PAX5: variants seen among roughly 807,000 people sequenced by gnomAD.
PAX5 encodes paired box protein Pax-5.
In PAX5, 9 loss-of-function variants were observed where a neutral mutation model predicts 43.7. The observed-to-expected ratio is 0.21, with a 90% confidence interval of 0.12 to 0.36. PAX5 has a LOEUF of 0.36. Ranked by LOEUF, PAX5 falls within the 10% of genes least tolerant of loss-of-function variation. The pLI, the probability that PAX5 is intolerant of heterozygous loss-of-function variation, is 1.00. For synonymous variants in PAX5, 228 were observed against 214.3 expected (o/e 1.06, Z -0.56); for missense variants, 383 against 532.7 (o/e 0.72, Z 2.77).
intron 6 of PAX5, among the ~76,000 whole-genome samples, chr9:36,931,224 G>C (rs1329344998): frequency 6.6e-6 from 1 of 152,240 alleles, no homozygotes; most frequent in Non-Finnish European, 1.5e-5. Context: ...AGCTGGAGTG[G>C]GTGAGAGGTG....
intron 5 of PAX5, among the ~76,000 whole-genome samples, chr9:36,991,483 C>T (rs1213011925): frequency 4.6e-5 from 7 of 152,182 alleles, no homozygotes; most frequent in Admixed American, 4.6e-4. Context: ...AAGGACTCTA[C>T]TCCCAGAAAG....
chr9:37,021,242 A>T (rs1839824678), intron 1 of PAX5, among the ~76,000 whole-genome samples: 1 of 152,244 alleles, frequency 6.6e-6, no homozygotes, highest in African/African-American at 2.4e-5. Context: ...TTTAAAAGTG[A>T]AAAGAACAAC....
Position 36,900,829 on chromosome 9 carries a change from C to T in PAX5, c.911-18724G>A, listed in dbSNP as rs573963903. Among the ~76,000 whole-genome samples, 455 of 152,244 alleles carry T rather than the reference C, an allele frequency of 3.0e-3. 3 individuals carry two copies. The highest frequency in any genetic ancestry group is 4.9e-3 in the Non-Finnish European group (330 of 68,008). ...GCCTCTGCACATTCCACCTGAGTGT[C>T]CCTGGGGTACCCCAAAGTTAAATAT... On this transcript the variant is annotated intron_variant, in intron 7 of 9. Coordinates refer to ENST00000358127, the MANE Select transcript of PAX5 (RefSeq NM_016734.3).
intron 7 of PAX5, among the ~76,000 whole-genome samples, chr9:36,885,628 CCAG>C (rs1212286576): frequency 1.3e-5 from 2 of 152,154 alleles, no homozygotes; most frequent in African/African-American, 4.8e-5. Context: ...TCAAACCCAG[CCAG>C]TCTGGCTTGC....
intron 6 of PAX5, among the ~76,000 whole-genome samples, chr9:36,966,113 G>C (rs1834406640): frequency 6.6e-6 from 1 of 152,244 alleles, no homozygotes; most frequent in South Asian, 2.1e-4. Context: ...CAGACAGTGG[G>C]ATACCCACCC....
intron 7 of PAX5, among the ~76,000 whole-genome samples, chr9:36,909,949 G>A (rs970168255): frequency 1.7e-4 from 25 of 148,580 alleles, no homozygotes; most frequent in African/African-American, 5.2e-4. Context: ...AGCCTCCCAA[G>A]CAGCTGGGAC....
At chr9:36,898,907 C>A (rs533209328) in intron 7 of PAX5, among the ~76,000 whole-genome samples, 35 of 152,212 alleles carry the variant, frequency 2.3e-4, no homozygotes, top group African/African-American at 7.5e-4. Flanking sequence ...TCCAGCCGCA[C>A]TGCAGACACC....
chr9:36,976,489 C>T (rs1318746988), intron 5 of PAX5, among the ~76,000 whole-genome samples: 3 of 152,140 alleles, frequency 2.0e-5, no homozygotes, highest in South Asian at 4.1e-4. Flanking sequence ...TCTAGGACAT[C>T]TACTATGAGC....
At chr9:36,987,775 A>C (rs1489799203) in intron 5 of PAX5, among the ~76,000 whole-genome samples, 1 of 152,180 alleles carries the variant, frequency 6.6e-6, no homozygotes, top group Non-Finnish European at 1.5e-5. Context: ...AGGAACCATA[A>C]ATTAGGCCCC....
intron 6 of PAX5, among the ~76,000 whole-genome samples, chr9:36,960,110 A>G (rs544553208): frequency 6.6e-6 from 1 of 152,364 alleles, no homozygotes; most frequent in Non-Finnish European, 1.5e-5. Flanking sequence ...GAATTGGTGC[A>G]GGGCCATTGA....
In PAX5 at chr9:36,840,539, G is replaced by C. The variant is rs939773614; in HGVS notation, c.*21C>G. On this transcript the variant is annotated 3_prime_UTR_variant, in exon 10 of 10. Coordinates refer to ENST00000358127, the MANE Select transcript of PAX5 (RefSeq NM_016734.3). Reference sequence around the variant, plus strand: ...CCTCAATAGGTGCCATCAGTGTTTGGTGCCCGCCTGGCTCCAAGGGTCAGT... The same window carrying C: ...CCTCAATAGGTGCCATCAGTGTTTGCTGCCCGCCTGGCTCCAAGGGTCAGT... The C allele has an allele frequency of 1.9e-6, 3 of 1,571,940 alleles. No individual in the cohort carries two copies. The highest frequency in any genetic ancestry group is 1.9e-5 in the Admixed American group (1 of 52,532).
At chr9:36,964,267 C>T (rs899110425) in intron 6 of PAX5, among the ~76,000 whole-genome samples, 1 of 146,736 alleles carries the variant, frequency 6.8e-6, no homozygotes, top group African/African-American at 2.5e-5. Context: ...GGCGACACAA[C>T]AAGATTCTGT....
chr9:36,922,475 T>A lies in PAX5; in HGVS notation c.910+880A>T, dbSNP rs376786042. 2.6e-5 allele frequency among the ~76,000 whole-genome samples: 4 copies of A among 151,984 alleles called. No individual in the cohort carries two copies. The East Asian group carries it at 7.8e-4, about 30-fold the overall frequency. The stretch of plus-strand genomic sequence containing the variant: ...GGCAGCTGAGTCTGTCCACATGGAG[T>A]CGGCTCCACGTTACCCCAGCACAGC... On this transcript the variant is annotated intron_variant, in intron 7 of 9. Coordinates refer to ENST00000358127, the MANE Select transcript of PAX5 (RefSeq NM_016734.3).
At chr9:36,950,954 A>G (rs529141058) in intron 6 of PAX5, among the ~76,000 whole-genome samples, 128 of 152,002 alleles carry the variant, frequency 8.4e-4, no homozygotes, top group African/African-American at 3.1e-3. Flanking sequence ...CTCGAGACCA[A>G]GCTGGTCTCA....
rs555353278 is a variant in PAX5 at position 37,026,898 on chromosome 9, G to T, written c.47-6097C>A. On this transcript the variant is annotated intron_variant, in intron 1 of 9. Coordinates refer to ENST00000358127, the MANE Select transcript of PAX5 (RefSeq NM_016734.3). ...GGCCAAGGCGCCCGCGGCTTCGGGG[G>T]CATAGCGTAGGGGCCCGCCTCCGGG... 2.0e-5 allele frequency among the ~76,000 whole-genome samples: 3 copies of T among 152,214 alleles called. No homozygotes were observed. The East Asian group carries it at 5.8e-4, about 29-fold the overall frequency.
intron 7 of PAX5, among the ~76,000 whole-genome samples, chr9:36,885,884 T>C (rs1419133825): frequency 6.6e-6 from 1 of 152,170 alleles, no homozygotes; most frequent in African/African-American, 2.4e-5. Flanking sequence ...AATTCAGTTT[T>C]ATGAAAAAAC....
intron 7 of PAX5, among the ~76,000 whole-genome samples, chr9:36,901,650 C>A (rs945974460): frequency 1.3e-5 from 2 of 152,112 alleles, no homozygotes; most frequent in Non-Finnish European, 2.9e-5. Context: ...GTAGGGGGGT[C>A]TGGGATTGGA....
At chr9:36,956,304 T>G (rs1322641636) in intron 6 of PAX5, among the ~76,000 whole-genome samples, 5 of 152,248 alleles carry the variant, frequency 3.3e-5, no homozygotes, top group Non-Finnish European at 5.9e-5. Flanking sequence ...AATTCACTTG[T>G]AATCTTTAAA....
chr9:37,006,968 T>A (rs1020747361), intron 3 of PAX5, among the ~76,000 whole-genome samples: 1 of 152,130 alleles, frequency 6.6e-6, no homozygotes, highest in Admixed American at 6.5e-5. Flanking sequence ...AACTTGGTAA[T>A]CTCTCTGTCC....
Sources: gnomAD v4.1 joint callset for allele counts (sites outside exome capture counted in the v4.1 genomes callset) on GRCh38, gnomAD v4.1.1 for gene constraint, MANE v1.5 for transcripts, NCBI Gene and HGNC (gene_info 2026-07-23, HGNC 2026-07-21) for gene names.